The following PTPN1 variants were observed in gnomAD, a reference collection of about 807,000 sequenced individuals.
PTPN1 encodes tyrosine-protein phosphatase non-receptor type 1.
In PTPN1, 12 loss-of-function variants were observed where a neutral mutation model predicts 59.9. The ratio of observed to expected loss-of-function variants is 0.20; its 90% confidence interval spans 0.13 to 0.32. PTPN1 has a LOEUF of 0.32. Ranked by LOEUF, PTPN1 falls within the 10% of genes least tolerant of loss-of-function variation. The probability of loss-of-function intolerance (pLI) is 1.00; values close to 1 mark genes in which losing one functional copy is unlikely to be tolerated. For missense variants in PTPN1, 356 were observed against 549.2 expected, an observed-to-expected ratio of 0.65 and a Z score of 3.52; for synonymous variants, 178 against 203.6, an observed-to-expected ratio of 0.87 and a Z score of 1.07.
At position 50,561,471 on chromosome 20, in the gene PTPN1, C is replaced by T. The variant is rs776581017; in HGVS notation, c.154+18C>T. The stretch of plus-strand genomic sequence containing the variant: ...CAGTCCCTGTAAGTATCCACGTGGC[C>T]GGTACCAGTCTTGCTCTTCCTTTGC... On this transcript the variant is annotated intron_variant, in intron 2 of 9. Coordinates refer to ENST00000371621, the MANE Select transcript of PTPN1 (RefSeq NM_002827.4). The T allele has an allele frequency of 5.9e-6, 9 of 1,535,928 alleles. No individual in the cohort carries two copies. Among genetic ancestry groups the T allele is most frequent in the South Asian group, 2.3e-5 (2 of 87,040 alleles).
rs1239336133 is a variant in PTPN1, at chr20:50,525,301, T to C, written c.63+14711T>C. Among the ~76,000 whole-genome samples, 8 of 152,324 alleles carry C rather than the reference T, an allele frequency of 5.3e-5. No individual in the cohort carries two copies. In the South Asian group the frequency reaches 1.4e-3, roughly 28 times the overall value. On this transcript the variant is annotated intron_variant, in intron 1 of 9. Transcript: ENST00000371621. The stretch of plus-strand genomic sequence containing the variant: ...GTCTCGCACTTCTGACCTCTGGCGA[T>C]CCGCCCGCCTCGGCCTCCCAAAGTG...
chr20:50,560,798 A>G (rs952101449), intron 1 of PTPN1, among the ~76,000 whole-genome samples: 8 of 152,132 alleles, frequency 5.3e-5, no homozygotes, highest in Non-Finnish European at 4.4e-5. Flanking sequence ...TAATGTGATT[A>G]TCGTGGAATT....
chr20:50,537,135 C>A (rs2082627271), intron 1 of PTPN1, among the ~76,000 whole-genome samples: 3 of 152,076 alleles, frequency 2.0e-5, no homozygotes, highest in Admixed American at 1.3e-4. Flanking sequence ...CCAGACTGGC[C>A]AACATGGCGA....
chr20:50,539,644 C>CTTTTTTT (rs5841806), intron 1 of PTPN1, among the ~76,000 whole-genome samples: 1 of 90,548 alleles, frequency 1.1e-5, no homozygotes, highest in Non-Finnish European at 2.1e-5. Context: ...CTCTTTCTCT[C>CTTTTTTT]TTTTTTTTTT....
At chr20:50,517,690 G>A (rs760422400) in intron 1 of PTPN1, among the ~76,000 whole-genome samples, 1 of 152,218 alleles carries the variant, frequency 6.6e-6, no homozygotes. Context: ...AGTCAGCTCT[G>A]TAATATGGAC....
intron 1 of PTPN1, among the ~76,000 whole-genome samples, chr20:50,513,128 T>C (rs2082514392): frequency 6.6e-6 from 1 of 152,198 alleles, no homozygotes; most frequent in Non-Finnish European, 1.5e-5. Context: ...AAACAAACTT[T>C]TTAGGCAGAG....
At chr20:50,562,266 G>T (rs1247447000) in intron 2 of PTPN1, among the ~76,000 whole-genome samples, 1 of 152,196 alleles carries the variant, frequency 6.6e-6, no homozygotes, top group South Asian at 2.1e-4. Context: ...CATTCCTCCA[G>T]TGGGCACTTC....
intron 7 of PTPN1, 125 bp downstream of exon 7, chr20:50,579,454 T>A: frequency 1.7e-6 from 2 of 1,190,928 alleles, no homozygotes; most frequent in Non-Finnish European, 2.4e-6. Context: ...CCTTCATGTT[T>A]AAAATAGCTA....
At chr20:50,557,056 C>T (rs1035165279) in intron 1 of PTPN1, among the ~76,000 whole-genome samples, 2 of 151,968 alleles carry the variant, frequency 1.3e-5, no homozygotes, top group Non-Finnish European at 2.9e-5. Context: ...AGAGCAAAAC[C>T]CCATCTTTTA....
At position 50,513,095 on chromosome 20, in the gene PTPN1, G is replaced by A. The variant is rs558660828; in HGVS notation, c.63+2505G>A. 2.0e-5 allele frequency among the ~76,000 whole-genome samples: 3 copies of A among 152,326 alleles called. No homozygotes were observed. In the South Asian group the frequency reaches 6.2e-4, roughly 32 times the overall value. On this transcript the variant is annotated intron_variant, in intron 1 of 9. Transcript: ENST00000371621. ...CAAAGAGTGAAGAGGACTTTTGAGT[G>A]CTGAGGAATGTGGCAGCTTGGAAAA...
At chr20:50,526,419 A>G (rs1056249576) in intron 1 of PTPN1, among the ~76,000 whole-genome samples, 7 of 150,866 alleles carry the variant, frequency 4.6e-5, no homozygotes, top group African/African-American at 1.2e-4. Context: ...AGCATTCCCT[A>G]CTCCCCTTAG....
At chr20:50,530,968 T>C (rs573427314) in intron 1 of PTPN1, among the ~76,000 whole-genome samples, 5 of 152,248 alleles carry the variant, frequency 3.3e-5, no homozygotes, top group African/African-American at 9.6e-5. Context: ...CCTCCCAAAA[T>C]GTTGGGATTA....
chr20:50,573,036 T>A (rs2082818817), intron 4 of PTPN1: 1 of 152,282 alleles, frequency 6.6e-6, no homozygotes, highest in South Asian at 2.1e-4. Context: ...TGAAGTTTGC[T>A]GTGATGCTGG....
intron 1 of PTPN1, among the ~76,000 whole-genome samples, chr20:50,513,863 A>G (rs1310221022): frequency 1.3e-5 from 2 of 152,118 alleles, no homozygotes; most frequent in Non-Finnish European, 2.9e-5. Context: ...TGCAAAGGAG[A>G]AAGATCTATA....
chr20:50,579,665 T>G, intron 7 of PTPN1, 38 bp from the exon 8 acceptor site: 1 of 1,565,428 alleles, frequency 6.4e-7, no homozygotes, highest in Non-Finnish European at 8.8e-7. Context: ...CCAGCCGAAG[T>G]GAACACTAAT....
At chr20:50,553,577 G>A (rs1360784264) in intron 1 of PTPN1, among the ~76,000 whole-genome samples, 4 of 152,132 alleles carry the variant, frequency 2.6e-5, no homozygotes, top group Admixed American at 2.0e-4. Flanking sequence ...TCTGTAATAC[G>A]TAGGATATTT....
chr20:50,551,048 G>A (rs1244372484), intron 1 of PTPN1, among the ~76,000 whole-genome samples: 1 of 152,198 alleles, frequency 6.6e-6, no homozygotes, highest in African/African-American at 2.4e-5. Context: ...TTTCACCCAA[G>A]TTTGACTTTT....
chr20:50,538,487 G>A (rs942532730), intron 1 of PTPN1, among the ~76,000 whole-genome samples: 1 of 152,228 alleles, frequency 6.6e-6, no homozygotes, highest in Non-Finnish European at 1.5e-5. Flanking sequence ...GATCCTTTCT[G>A]TGTAAAAACA....
chr20:50,553,257 A>C (rs1229064028), intron 1 of PTPN1, among the ~76,000 whole-genome samples: 4 of 152,232 alleles, frequency 2.6e-5, no homozygotes, highest in Non-Finnish European at 5.9e-5. Flanking sequence ...GCATTACCTT[A>C]GTAGACTGGA....
Sources: allele counts gnomAD v4.1 joint callset (sites outside exome capture counted in the v4.1 genomes callset), GRCh38; gene constraint gnomAD v4.1.1; transcripts MANE v1.5; gene names NCBI Gene and HGNC (gene_info 2026-07-23, HGNC 2026-07-21).